The following IL18RAP variants were observed in gnomAD, a reference collection of about 807,000 sequenced individuals.
IL18RAP encodes interleukin-18 receptor accessory protein.
In IL18RAP, 37 loss-of-function variants were observed where a neutral mutation model predicts 58.1. That is an observed-to-expected ratio of 0.64 (90% CI 0.49 to 0.84). The LOEUF is 0.84. Among genes scored for constraint, IL18RAP ranks in the 40% least tolerant of loss-of-function variants. The probability of loss-of-function intolerance (pLI) is 0.00; values close to 1 mark genes in which losing one functional copy is unlikely to be tolerated. For synonymous variants in IL18RAP, 268 were observed against 257.5 expected (o/e 1.04, Z -0.39); for missense variants, 667 against 704.8 (o/e 0.95, Z 0.61).
chr2:102,438,647 A>G (rs1682905713), intron 4 of IL18RAP: 1 of 152,074 alleles, frequency 6.6e-6, no homozygotes, highest in African/African-American at 2.4e-5. Flanking sequence ...ACCTTGCAAC[A>G]TCTGTTGCAT....
At position 102,447,078 on chromosome 2, in the gene IL18RAP, C is replaced by CT; in HGVS notation, c.1082dup (p.Tyr362ValfsTer26). ...TGGCCCTGTCTCCACAGTGGTGCTC[C>CT]TGTACATCCTGCTTGGCACCATCGG... On this transcript the variant is annotated frameshift_variant, in exon 8 of 10. Transcript: ENST00000687160. LOFTEE classifies it high-confidence loss of function. 1 of 1,613,940 alleles carries CT rather than the reference C, an allele frequency of 6.2e-7. No individual in the cohort carries two copies. The highest frequency in any genetic ancestry group is 8.5e-7 in the Non-Finnish European group (1 of 1,179,976).
intron 3 of IL18RAP, chr2:102,434,542 C>A (rs1248933063): frequency 6.6e-6 from 1 of 152,168 alleles, no homozygotes; most frequent in African/African-American, 2.4e-5. Context: ...CAAGCCCCTG[C>A]TAAAACTACG....
At chr2:102,445,391 G>C in intron 7 of IL18RAP, 51 bp downstream of exon 7, 2 of 1,565,048 alleles carry the variant, frequency 1.3e-6, no homozygotes, top group South Asian at 2.3e-5. Context: ...CACTTGAGAG[G>C]GGAGGAGTTT....
intron 6 of IL18RAP, among the ~76,000 whole-genome samples, chr2:102,443,941 CA>C (rs1683264095): frequency 6.6e-6 from 1 of 152,044 alleles, no homozygotes; most frequent in South Asian, 2.1e-4. Context: ...ATATTTTGGC[CA>C]GTAGAAAACC....
Position 102,424,817 on chromosome 2 carries a change from G to A in IL18RAP, c.579+403G>A, listed in dbSNP as rs139914946. On this transcript the variant is annotated intron_variant, in intron 3 of 9. Transcript: ENST00000687160. ...TGAAGGGTTTGTGAAAGTTACAGGA[G>A]CCTGAAATACATTCCCAAAAGACAG... Among the ~76,000 whole-genome samples, 88 of 152,312 alleles carry A rather than the reference G, an allele frequency of 5.8e-4. 1 individual carries two copies. Among genetic ancestry groups the A allele is most frequent in the African/African-American group, 1.9e-3 (80 of 41,574 alleles).
chr2:102,450,758 T>C (rs563612727), intron 8 of IL18RAP, 90 bp from the exon 9 acceptor site: 1 of 667,104 alleles, frequency 1.5e-6, no homozygotes, highest in African/African-American at 1.9e-5. Flanking sequence ...CTTATTCATT[T>C]ACCATATGAT....
At chr2:102,418,954 A>G (rs983773382), upstream of IL18RAP, 2 of 152,340 alleles carry the variant, frequency 1.3e-5, no homozygotes, top group Non-Finnish European at 2.9e-5. Context: ...AGAGAGCAGT[A>G]CTTCTTTTTT....
Position 102,441,235 on chromosome 2 carries a change from G to T in IL18RAP, c.731-77G>T. 5 of 1,035,106 alleles carry T rather than the reference G, an allele frequency of 4.8e-6. No individual in the cohort carries two copies. In the South Asian group the frequency reaches 6.6e-5, roughly 14 times the overall value. 64.1% of individuals were successfully genotyped at this position (1,035,106 alleles called of 1,614,324 possible). ...TCCAAGACATTTAGATCAAAGTGTG[G>T]CTGTGCACCTAAATCTTCATCAAGC... On this transcript the variant is annotated intron_variant, in intron 4 of 9. Transcript: ENST00000687160.
chr2:102,450,681 C>T (rs1683706853), intron 8 of IL18RAP, among the ~76,000 whole-genome samples, 167 bp from the exon 9 acceptor site: 1 of 152,106 alleles, frequency 6.6e-6, no homozygotes, highest in African/African-American at 2.4e-5. Flanking sequence ...AAAATCAATA[C>T]CGCTCAGTGG....
Position 102,445,308 on chromosome 2 carries a change from C to T in IL18RAP, c.1040C>T (p.Thr347Ile). ...GTCCAGAACTCCATTGGAAACACAA[C>T]CCAGTCCGTCCAACTGAAAGAAAAG... is the stretch of plus-strand genomic sequence containing the variant. ...CFVQNSIGNTTQSVQLKEKRG... is the reference protein window; with the variant it reads ...CFVQNSIGNTIQSVQLKEKRG... The change falls in exon 7 of 10, where the codon ACC becomes ATC. Residue 347 changes from threonine to isoleucine, a missense_variant. Physicochemically the swap from Thr to Ile is moderately conservative, Grantham distance 89 (BLOSUM62 -1). Coordinates refer to ENST00000687160, the MANE Select transcript of IL18RAP (RefSeq NM_001393487.1). 6.2e-7 allele frequency: 1 copy of T among 1,614,174 alleles called. No homozygotes were observed. Among genetic ancestry groups the T allele is most frequent in the Non-Finnish European group, 8.5e-7 (1 of 1,180,018 alleles).
intron 3 of IL18RAP, among the ~76,000 whole-genome samples, chr2:102,428,442 A>G (rs1239597119): frequency 6.6e-6 from 1 of 150,836 alleles, no homozygotes; most frequent in African/African-American, 2.4e-5. Context: ...ATTTATACCC[A>G]ACTATTTTAC....
chr2:102,420,611 T>A (rs1681516929), upstream of IL18RAP, among the ~76,000 whole-genome samples: 1 of 152,150 alleles, frequency 6.6e-6, no homozygotes, highest in South Asian at 2.1e-4. Context: ...CATTTAGACA[T>A]AAATTGCGGG....
At chr2:102,445,915 C>T (rs1013688567) in intron 7 of IL18RAP, among the ~76,000 whole-genome samples, 6 of 151,828 alleles carry the variant, frequency 4.0e-5, no homozygotes, top group African/African-American at 1.5e-4. Flanking sequence ...ATCATTCATT[C>T]CTTTAATTAA....
At position 102,443,329 on chromosome 2, in the gene IL18RAP, A is replaced by G; in HGVS notation, c.920+6A>G. 1.2e-6 allele frequency: 2 copies of G among 1,611,016 alleles called. No individual in the cohort carries two copies. Among genetic ancestry groups the G allele is most frequent in the Non-Finnish European group, 1.7e-6 (2 of 1,179,380 alleles). On this transcript the variant is annotated splice_donor_region_variant and intron_variant, in intron 6 of 9. Coordinates refer to ENST00000687160, the MANE Select transcript of IL18RAP (RefSeq NM_001393487.1). ...TCAGTACCTGAGGCGAAAAGGTAAGAAAAAAACTCACGGATTCTGTTCTCT... is the reference window on the plus strand; with the variant it reads ...TCAGTACCTGAGGCGAAAAGGTAAGGAAAAAACTCACGGATTCTGTTCTCT...
intron 8 of IL18RAP, among the ~76,000 whole-genome samples, chr2:102,449,085 C>T (rs918327579): frequency 3.3e-5 from 5 of 150,104 alleles, no homozygotes; most frequent in African/African-American, 4.9e-5. Context: ...CTGGCCAACA[C>T]GGTGCAACCC....
chr2:102,444,206 G>T lies in IL18RAP; in HGVS notation c.920+883G>T, dbSNP rs535114629. The stretch of plus-strand genomic sequence containing the variant: ...TACAAAAAAGTACAGAACAGATTTT[G>T]GTCACAACAATAAAATTTAGCAAGA... On this transcript the variant is annotated intron_variant, in intron 6 of 9. Coordinates refer to ENST00000687160, the MANE Select transcript of IL18RAP (RefSeq NM_001393487.1). Among the ~76,000 whole-genome samples the T allele has an allele frequency of 2.0e-5, 3 of 152,252 alleles. No individual in the cohort carries two copies. The East Asian group carries it at 5.8e-4, about 29-fold the overall frequency.
At chr2:102,439,587 G>A (rs1158260934) in intron 4 of IL18RAP, 1 of 152,230 alleles carries the variant, frequency 6.6e-6, no homozygotes, top group Non-Finnish European at 1.5e-5. Flanking sequence ...CAGAGGTGAT[G>A]AGAAGTAGCT....
chr2:102,451,736 AT>A, intron 9 of IL18RAP, 29 bp from the exon 10 acceptor site: 1 of 1,574,232 alleles, frequency 6.4e-7, no homozygotes, highest in East Asian at 2.2e-5. Flanking sequence ...AACAATATCC[AT>A]TGCAAATAAT....
upstream of IL18RAP, chr2:102,423,117 G>A (rs902896189): frequency 5.9e-5 from 43 of 725,414 alleles, no homozygotes; most frequent in South Asian, 8.6e-5. Flanking sequence ...AAAGCTTCCT[G>A]TGTGAGATGC....
Sources: allele counts gnomAD v4.1 joint callset (sites outside exome capture counted in the v4.1 genomes callset), GRCh38; gene constraint gnomAD v4.1.1; transcripts MANE v1.5; gene names NCBI Gene and HGNC (gene_info 2026-07-23, HGNC 2026-07-21).